MOB1A: variants seen among roughly 807,000 people sequenced by gnomAD.
The protein encoded by MOB1A is MOB kinase activator 1A, also known as MOB1 Mps One Binder homolog A.
MOB1A carries 10 observed loss-of-function variants against 25.1 expected under a neutral mutation model. That is an observed-to-expected ratio of 0.40 (90% confidence interval 0.25 to 0.68). MOB1A has a LOEUF of 0.68. MOB1A is among the 30% of genes least tolerant of loss of function. The pLI is 0.40. For missense variants in MOB1A, 177 were observed against 256.3 expected (o/e 0.69, Z 2.11); for synonymous variants, 81 against 79.5 (o/e 1.02, Z -0.10).
chr2:74,157,255 C>CA (rs1167617254), intron 5 of MOB1A, among the ~76,000 whole-genome samples: 1 of 151,678 alleles, frequency 6.6e-6, no homozygotes, highest in Non-Finnish European at 1.5e-5. Context: ...CATAAAAACA[C>CA]AAAAAACAGG....
chr2:74,157,481 G>A (rs1012852172), intron 5 of MOB1A, among the ~76,000 whole-genome samples: 1 of 152,160 alleles, frequency 6.6e-6, no homozygotes. Context: ...CAAACCCAAG[G>A]AGGGGGTTGT....
rs770225785 is a variant in MOB1A, at chr2:74,153,724, C to T, written c.*2844G>A. On this transcript the variant is annotated 3_prime_UTR_variant, in exon 6 of 6. Coordinates refer to ENST00000396049, the MANE Select transcript of MOB1A (RefSeq NM_018221.5). ...TGCATAATTTAGCAAGCACTCTCTA[C>T]CCCATGACTGTAATCATGTATGAAG... The T allele has an allele frequency of 6.6e-6, 1 of 152,176 alleles. No homozygotes were observed. The highest frequency in any genetic ancestry group is 1.5e-5 in the Non-Finnish European group (1 of 68,048). The allele number at this position is 152,176 out of a possible 1,614,324, so 9.4% of individuals were successfully genotyped here. A position where few individuals can be genotyped will look rare whatever the true frequency, so the allele number is the denominator to read the frequency against.
At chr2:74,170,843 T>A (rs1693273077) in intron 2 of MOB1A, among the ~76,000 whole-genome samples, 1 of 151,466 alleles carries the variant, frequency 6.6e-6, no homozygotes, top group African/African-American at 2.4e-5. Context: ...TGAGCTATGA[T>A]CATGTCACTG....
chr2:74,176,763 CAA>C (rs754041457), intron 1 of MOB1A, among the ~76,000 whole-genome samples: 17 of 88,828 alleles, frequency 1.9e-4, no homozygotes, highest in Non-Finnish European at 1.3e-4. Flanking sequence ...GACTCTGTCT[CAA>C]AAAAAAAAAA....
rs1692763393 is a variant in MOB1A, at chr2:74,154,994, T to C, written c.*1574A>G. On this transcript the variant is annotated 3_prime_UTR_variant, in exon 6 of 6. Transcript: ENST00000396049. ...GATTATTTAAAATGGAGTTTCTAAG[T>C]AATTATTTTCTTTATAGTTTAGTGG... 1 of 152,176 alleles carries C rather than the reference T, an allele frequency of 6.6e-6. No individual in the cohort carries two copies. Among genetic ancestry groups the C allele is most frequent in the Non-Finnish European group, 1.5e-5 (1 of 68,020 alleles). 9.4% of individuals were successfully genotyped at this position (152,176 alleles called of 1,614,324 possible).
At chr2:74,156,961 G>C (rs543260853) in intron 5 of MOB1A, among the ~76,000 whole-genome samples, 1 of 151,450 alleles carries the variant, frequency 6.6e-6, no homozygotes, top group South Asian at 2.1e-4. Context: ...TAAAAATATA[G>C]GTATGATATT....
intron 1 of MOB1A, 52 bp downstream of exon 1, chr2:74,178,608 TC>T: frequency 2.3e-6 from 3 of 1,326,170 alleles, no homozygotes; most frequent in Non-Finnish European, 2.0e-6. Context: ...CGGGGAGGCC[TC>T]CCCCACAACC....
At chr2:74,163,371 G>A (rs181642713) in intron 4 of MOB1A, among the ~76,000 whole-genome samples, 2 of 152,294 alleles carry the variant, frequency 1.3e-5, no homozygotes, top group Admixed American at 1.3e-4. Flanking sequence ...CCTGGTGGCT[G>A]ACACCTGTAA....
chr2:74,175,165 G>A (rs1255511112), intron 1 of MOB1A, among the ~76,000 whole-genome samples: 1 of 152,222 alleles, frequency 6.6e-6, no homozygotes, highest in African/African-American at 2.4e-5. Context: ...AACTGTGCAT[G>A]CAAGGGATCT....
At chr2:74,174,284 A>AG (rs1259714222) in intron 1 of MOB1A, among the ~76,000 whole-genome samples, 1 of 146,342 alleles carries the variant, frequency 6.8e-6, no homozygotes, top group African/African-American at 2.5e-5. Flanking sequence ...AAAAAAAAAA[A>AG]AGAAAAGAAA....
rs752567575 is a variant in MOB1A, at chr2:74,167,122, G to C, written c.182-15C>G. On this transcript the variant is annotated splice_polypyrimidine_tract_variant and intron_variant, in intron 2 of 5. Coordinates refer to ENST00000396049, the MANE Select transcript of MOB1A (RefSeq NM_018221.5). Reference sequence around the variant, plus strand: ...GAAATCCACAGCTGCAGAGATAATAGAATTGTGTCAAAATGTCTGTGTAAA... The same window carrying C: ...GAAATCCACAGCTGCAGAGATAATACAATTGTGTCAAAATGTCTGTGTAAA... 2 of 1,600,486 alleles carry C rather than the reference G, an allele frequency of 1.2e-6. No homozygotes were observed. Among genetic ancestry groups the C allele is most frequent in the Non-Finnish European group, 1.7e-6 (2 of 1,170,048 alleles).
At chr2:74,159,340 C>G (rs746932143) in intron 4 of MOB1A, 86 bp from the exon 5 acceptor site, 207 of 1,233,290 alleles carry the variant, frequency 1.7e-4, no homozygotes, top group Non-Finnish European at 2.3e-4. Context: ...CACTTTGTCA[C>G]TCAGGCAGTG....
intron 4 of MOB1A, among the ~76,000 whole-genome samples, chr2:74,160,743 G>A (rs1692945008): frequency 6.6e-6 from 1 of 151,904 alleles, no homozygotes; most frequent in Non-Finnish European, 1.5e-5. Flanking sequence ...CGGGGGTAGA[G>A]TTTGGTATCC....
In MOB1A at chr2:74,156,585, C is replaced by A; in HGVS notation, c.634G>T (p.Gly212Ter). The A allele has an allele frequency of 6.4e-7, 1 of 1,553,760 alleles. No homozygotes were observed. The highest frequency in any genetic ancestry group is 1.7e-4 in the Middle Eastern group (1 of 5,990). Residue 212 changes from glycine (G) to a stop codon, truncating the protein, a stop_gained, in exon 6 of 6, where the codon GGA (glycine) becomes TGA (stop). Transcript: ENST00000396049. LOFTEE classifies it high-confidence loss of function. ...AGAAACATTTATCTGTCTTTTGATC[C>A]AAGTTTCTCTATTAATTCTTGAAGA... is the stretch of plus-strand genomic sequence containing the variant. ...APLQELIEKL[G>*]SKDR
intron 4 of MOB1A, among the ~76,000 whole-genome samples, chr2:74,162,023 T>A (rs1692987636): frequency 6.6e-6 from 1 of 152,180 alleles, no homozygotes; most frequent in Non-Finnish European, 1.5e-5. Context: ...GGCATCTTTC[T>A]AATAAAAGGA....
chr2:74,172,899 C>G (rs1184548964), intron 1 of MOB1A, 147 bp from the exon 2 acceptor site: 1 of 824,862 alleles, frequency 1.2e-6, no homozygotes, highest in African/African-American at 1.7e-5. Context: ...TGCCTGTAAT[C>G]CCAGCACTTT....
chr2:74,171,838 G>A (rs992949398), intron 2 of MOB1A, among the ~76,000 whole-genome samples: 1 of 152,250 alleles, frequency 6.6e-6, no homozygotes, highest in East Asian at 1.9e-4. Context: ...GGGAGGTGGA[G>A]GTTGCAGTGA....
chr2:74,178,664 A>C lies in MOB1A; in HGVS notation c.11T>G (p.Leu4Arg). The C allele has an allele frequency of 7.3e-7, 1 of 1,367,594 alleles. No homozygotes were observed. Among genetic ancestry groups the C allele is most frequent in the Non-Finnish European group, 9.5e-7 (1 of 1,055,658 alleles). 84.7% of individuals were successfully genotyped at this position (1,367,594 alleles called of 1,614,324 possible). Residue 4 changes from leucine (L) to arginine (R), a missense_variant, in exon 1 of 6, where the codon CTC becomes CGC. Coordinates refer to ENST00000396049, the MANE Select transcript of MOB1A (RefSeq NM_018221.5). ...CCCGCGGCCCGACCCCACTCACAAG[A>C]GGAAGCTCATCTTCGGTCCTCAGAG... MSF[L>R]FSSRSSKTFK...
intron 5 of MOB1A, among the ~76,000 whole-genome samples, chr2:74,158,563 G>A (rs1368390871): frequency 6.6e-6 from 1 of 152,016 alleles, no homozygotes; most frequent in Admixed American, 6.6e-5. Context: ...GCCGAGGTGG[G>A]TGGATCAGGA....
Sources: allele counts gnomAD v4.1 joint callset (sites outside exome capture counted in the v4.1 genomes callset), GRCh38; gene constraint gnomAD v4.1.1; transcripts MANE v1.5; gene names NCBI Gene and HGNC (gene_info 2026-07-23, HGNC 2026-07-21).